The following MGAT4C variants were observed in gnomAD, a reference collection of about 807,000 sequenced individuals.
MGAT4C encodes MGAT4 family member C.
Under a neutral mutation model 40.1 loss-of-function variants are expected in MGAT4C, and 19 were observed. The ratio of observed to expected loss-of-function variants is 0.47; its 90% CI spans 0.33 to 0.70. The LOEUF is 0.70. Among genes scored for constraint, MGAT4C ranks in the 30% least tolerant of loss-of-function variants. The pLI, the probability that MGAT4C is intolerant of heterozygous loss-of-function variation, is 0.02. For missense variants in MGAT4C, 491 were observed against 563.2 expected, an observed-to-expected ratio of 0.87 and a Z score of 1.30; for synonymous variants, 181 against 187.1, an observed-to-expected ratio of 0.97 and a Z score of 0.27.
At chr12:86,056,481 G>A (rs1397694483) in intron 1 of MGAT4C, among the ~76,000 whole-genome samples, 1 of 152,154 alleles carries the variant, frequency 6.6e-6, no homozygotes, top group Non-Finnish European at 1.5e-5. Flanking sequence ...AGAACATGCA[G>A]TGTTTGGTTT....
chr12:86,691,470 C>G (rs1950172115), intron 2 of MGAT4C, among the ~76,000 whole-genome samples: 1 of 152,084 alleles, frequency 6.6e-6, no homozygotes, highest in Non-Finnish European at 1.5e-5. Flanking sequence ...AAAAGACAAC[C>G]TGGTAAATAT....
chr12:86,534,161 G>A (rs112063026), intron 2 of MGAT4C, among the ~76,000 whole-genome samples: 5 of 151,952 alleles, frequency 3.3e-5, no homozygotes, highest in African/African-American at 9.7e-5. Context: ...GTTTGCCACC[G>A]TTTTAGGTCT....
intron 2 of MGAT4C, among the ~76,000 whole-genome samples, chr12:86,518,422 A>G (rs763887609): frequency 6.6e-6 from 1 of 152,242 alleles, no homozygotes; most frequent in Non-Finnish European, 1.5e-5. Flanking sequence ...ATAAATCATC[A>G]CTAATCACAT....
Position 85,983,523 on chromosome 12 carries a change from G to A in MGAT4C, c.295C>T (p.Arg99Trp), listed in dbSNP as rs753847188. The change falls in exon 4 of 5, where the codon CGG (arginine) becomes TGG (tryptophan). Residue 99 changes from arginine (R) to tryptophan (W), a missense_variant and splice_region_variant. Transcript: ENST00000611864. ...YLAATPLQRK[R>W]YLTIGLSSVK... is the part of the protein sequence containing the mutation. ...TATTTAAATGTTTAAGGATACTTACGCTTTCTTTGTAAAGGTGTGGCAGCT... is the reference window on the plus strand; with the variant it reads ...TATTTAAATGTTTAAGGATACTTACACTTTCTTTGTAAAGGTGTGGCAGCT... 15 of 1,543,576 alleles carry A rather than the reference G, an allele frequency of 9.7e-6. No individual in the cohort carries two copies. Among genetic ancestry groups the A allele is most frequent in the South Asian group, 2.5e-5 (2 of 79,120 alleles).
At chr12:86,777,336 A>G (rs530377772) in intron 1 of MGAT4C, among the ~76,000 whole-genome samples, 6 of 152,326 alleles carry the variant, frequency 3.9e-5, no homozygotes, top group African/African-American at 1.4e-4. Context: ...CTGTTGAAAC[A>G]TGTTATGAAT....
At chr12:86,593,166 T>G (rs1156639348) in intron 2 of MGAT4C, among the ~76,000 whole-genome samples, 1 of 152,114 alleles carries the variant, frequency 6.6e-6, no homozygotes, top group East Asian at 1.9e-4. Context: ...CTTACTGACA[T>G]ACAATTGTTC....
At chr12:86,375,262 A>G (rs985430613) in intron 3 of MGAT4C, among the ~76,000 whole-genome samples, 2 of 152,202 alleles carry the variant, frequency 1.3e-5, no homozygotes, top group Non-Finnish European at 2.9e-5. Flanking sequence ...TTTTGTATTT[A>G]CCACTGGAAA....
Position 86,469,594 on chromosome 12 carries a change from T to C in MGAT4C, c.-228-34329A>G, listed in dbSNP as rs113462086. 3.3e-3 allele frequency among the ~76,000 whole-genome samples: 506 copies of C among 152,252 alleles called. 2 individuals carry two copies. The highest frequency in any genetic ancestry group is 0.012 in the African/African-American group (489 of 41,554). On this transcript the variant is annotated intron_variant, in intron 2 of 7. Transcript: ENST00000548651. Reference sequence around the variant, plus strand: ...GTGAATCAGGTAAGAGACTGTTAGATTGGTACCAAAGTAATTGCGGTTTTT... The same window carrying C: ...GTGAATCAGGTAAGAGACTGTTAGACTGGTACCAAAGTAATTGCGGTTTTT...
At chr12:86,357,825 T>C (rs1955352400) in intron 3 of MGAT4C, among the ~76,000 whole-genome samples, 1 of 152,104 alleles carries the variant, frequency 6.6e-6, no homozygotes, top group African/African-American at 2.4e-5. Flanking sequence ...AACATGGGAC[T>C]ATGTGAAAAG....
At chr12:86,223,641 A>C (rs922998173) in intron 1 of MGAT4C, among the ~76,000 whole-genome samples, 1 of 152,070 alleles carries the variant, frequency 6.6e-6, no homozygotes, top group African/African-American at 2.4e-5. Flanking sequence ...TGAATTCACT[A>C]CTGGGGGCCT....
chr12:86,114,018 A>T (rs1877916046), intron 1 of MGAT4C, among the ~76,000 whole-genome samples: 1 of 151,860 alleles, frequency 6.6e-6, no homozygotes, highest in African/African-American at 2.4e-5. Flanking sequence ...GGTTGATAAG[A>T]TTGTGAGTTC....
chr12:86,060,765 C>A (rs1260411300), intron 1 of MGAT4C, among the ~76,000 whole-genome samples: 1 of 151,886 alleles, frequency 6.6e-6, no homozygotes, highest in Non-Finnish European at 1.5e-5. Flanking sequence ...TTTCTTTTTT[C>A]AGGAATTAGT....
intron 4 of MGAT4C, among the ~76,000 whole-genome samples, chr12:86,332,379 C>T (rs913337562): frequency 6.6e-6 from 1 of 151,054 alleles, no homozygotes; most frequent in South Asian, 2.1e-4. Context: ...AAATGAAGAA[C>T]GGATTTTTTT....
At chr12:86,603,486 C>T (rs1354107789) in intron 2 of MGAT4C, among the ~76,000 whole-genome samples, 1 of 103,452 alleles carries the variant, frequency 9.7e-6, no homozygotes, top group Non-Finnish European at 1.8e-5. Flanking sequence ...AGTCTATAGA[C>T]TATATAATAT....
At chr12:86,217,973 A>AT (rs1358978963) in intron 1 of MGAT4C, among the ~76,000 whole-genome samples, 6 of 152,076 alleles carry the variant, frequency 3.9e-5, no homozygotes, top group Non-Finnish European at 8.8e-5. Context: ...TTATCTATAA[A>AT]TTTTTTCTAA....
At chr12:86,252,725 T>A (rs1952352280) in intron 1 of MGAT4C, among the ~76,000 whole-genome samples, 1 of 151,898 alleles carries the variant, frequency 6.6e-6, no homozygotes, top group African/African-American at 2.4e-5. Flanking sequence ...TTCTTCATTT[T>A]TTATTATTTT....
chr12:86,001,062 G>C (rs1048440885), intron 2 of MGAT4C, among the ~76,000 whole-genome samples: 4 of 152,052 alleles, frequency 2.6e-5, no homozygotes, highest in Admixed American at 2.6e-4. Flanking sequence ...TCCTTATCCT[G>C]TCAAATCAGT....
At chr12:86,787,999 T>C (rs1951960755) in intron 1 of MGAT4C, among the ~76,000 whole-genome samples, 3 of 152,046 alleles carry the variant, frequency 2.0e-5, no homozygotes, top group African/African-American at 7.2e-5. Flanking sequence ...AGGTCATGGA[T>C]AGATAACAGA....
chr12:85,972,330 C>T lies in MGAT4C; in HGVS notation c.*6959G>A, dbSNP rs1336057216. 1.3e-5 allele frequency: 2 copies of T among 150,882 alleles called. No homozygotes were observed. Among genetic ancestry groups the T allele is most frequent in the Non-Finnish European group, 3.0e-5 (2 of 67,242 alleles). 9.3% of individuals were successfully genotyped at this position (150,882 alleles called of 1,614,324 possible). A position where few individuals can be genotyped will look rare whatever the true frequency, so the allele number is the denominator to read the frequency against. On this transcript the variant is annotated 3_prime_UTR_variant, in exon 5 of 5. Transcript: ENST00000611864. ...TGGACAACTTATTTATTATGTACTT[C>T]TACACACAGCTAAGCTTATAGATAT...
Sources: allele counts gnomAD v4.1 joint callset (sites outside exome capture counted in the v4.1 genomes callset), GRCh38; gene constraint gnomAD v4.1.1; transcripts MANE v1.5; gene names NCBI Gene and HGNC (gene_info 2026-07-23, HGNC 2026-07-21).